Variants in GRIK2 observed in about 807,000 individuals in gnomAD.
The protein encoded by GRIK2 is glutamate receptor ionotropic, kainate 2.
In GRIK2, 32 loss-of-function variants were observed where a neutral mutation model predicts 100.3. The observed-to-expected ratio is 0.32, with a 90% CI of 0.24 to 0.43. The LOEUF is 0.43. Among genes scored for constraint, GRIK2 ranks in the 20% least tolerant of loss-of-function variants. The probability of loss-of-function intolerance (pLI) is 1.00; values close to 1 mark genes in which losing one functional copy is unlikely to be tolerated. For synonymous variants in GRIK2, 417 were observed against 389.4 expected (o/e 1.07, Z -0.83); for missense variants, 843 against 1,114.9 (o/e 0.76, Z 3.47).
chr6:101,799,758 C>T lies in GRIK2; in HGVS notation c.1062C>T (p.Arg354=), dbSNP rs777354506. 6 of 1,613,466 alleles carry T rather than the reference C, an allele frequency of 3.7e-6. No homozygotes were observed. In the East Asian group the frequency reaches 6.7e-5, roughly 18 times the overall value. ...SLQCNRHKPW[R]FGTRFMSLIK... The stretch of plus-strand genomic sequence containing the variant: ...AGTGTAATCGACATAAACCCTGGCG[C>T]TTCGGGACCCGCTTTATGAGTCTAA... The change falls in exon 8 of 17, where the codon CGC becomes CGT. Residue 354 remains arginine (R), a synonymous_variant. Coordinates refer to ENST00000369134, the MANE Select transcript of GRIK2 (RefSeq NM_021956.5).
At chr6:101,879,729 CTGTATTAG>C (rs1786115921) in intron 11 of GRIK2, among the ~76,000 whole-genome samples, 1 of 151,178 alleles carries the variant, frequency 6.6e-6, no homozygotes, top group East Asian at 2.0e-4. Context: ...CTGGAAGAAG[CTGTATTAG>C]CATGAAAATA....
intron 2 of GRIK2, among the ~76,000 whole-genome samples, chr6:101,547,870 T>C (rs926044846): frequency 6.6e-6 from 1 of 152,114 alleles, no homozygotes; most frequent in African/African-American, 2.4e-5. Flanking sequence ...GTATTTCCAG[T>C]TCTAGATCCC....
At position 101,399,123 on chromosome 6, in the gene GRIK2, A is replaced by C. The variant is rs949334204; in HGVS notation, c.-155A>C. Reference sequence around the variant, plus strand: ...AGTGAAGAACATGCAGCGATTGCTAATGGGTTTGGGAAGCGGAGACTCCTT... The same window carrying C: ...AGTGAAGAACATGCAGCGATTGCTACTGGGTTTGGGAAGCGGAGACTCCTT... On this transcript the variant is annotated 5_prime_UTR_variant, in exon 2 of 17. An upstream start codon of the reference 5' UTR is lost. Coordinates refer to ENST00000369134, the MANE Select transcript of GRIK2 (RefSeq NM_021956.5). 4 of 576,208 alleles carry C rather than the reference A, an allele frequency of 6.9e-6. No homozygotes were observed. Among genetic ancestry groups the C allele is most frequent in the Admixed American group, 3.0e-5 (1 of 32,920 alleles). 35.7% of individuals were successfully genotyped at this position (576,208 alleles called of 1,614,324 possible).
At chr6:101,719,392 G>A (rs2128364143) in intron 7 of GRIK2, among the ~76,000 whole-genome samples, 2 of 151,844 alleles carry the variant, frequency 1.3e-5, no homozygotes, top group Admixed American at 1.3e-4. Context: ...CTATATACAT[G>A]ACTTAGTGGT....
intron 7 of GRIK2, among the ~76,000 whole-genome samples, chr6:101,778,720 A>G (rs1778897716): frequency 6.6e-6 from 1 of 152,134 alleles, no homozygotes. Flanking sequence ...TCTGTTCTGT[A>G]TTTGTACATA....
At chr6:101,903,058 A>G (rs1286803838) in intron 12 of GRIK2, among the ~76,000 whole-genome samples, 3 of 151,882 alleles carry the variant, frequency 2.0e-5, no homozygotes, top group African/African-American at 7.2e-5. Context: ...TTGAAAGGCC[A>G]GGCATTTTAT....
At chr6:101,554,207 G>C (rs1776635780) in intron 2 of GRIK2, among the ~76,000 whole-genome samples, 1 of 152,142 alleles carries the variant, frequency 6.6e-6, no homozygotes, top group African/African-American at 2.4e-5. Flanking sequence ...AGGAAGAATA[G>C]AGACCCAATG....
chr6:101,928,585 A>G lies in GRIK2; in HGVS notation c.2038A>G (p.Ile680Val). 6.2e-7 allele frequency: 1 copy of G among 1,606,930 alleles called. No homozygotes were observed. Among genetic ancestry groups the G allele is most frequent in the Non-Finnish European group, 8.5e-7 (1 of 1,173,484 alleles). Reference sequence around the variant, plus strand: ...TGATGATTTAGCTAAACAAACCAAGATAGAATATGGAGCAGTAGAGGATGG... The same window carrying G: ...TGATGATTTAGCTAAACAAACCAAGGTAGAATATGGAGCAGTAGAGGATGG... ...SADDLAKQTK[I>V]EYGAVEDGAT... The change falls in exon 14 of 17, where the codon ATA becomes GTA. Residue 680 changes from isoleucine to valine, a missense_variant. By Grantham distance (29) the Ile-to-Val change is conservative. Around this residue, in one of 3 missense-constraint regions of GRIK2, gnomAD observed 237 missense variants for 388.0 expected, o/e 0.61. Coordinates refer to ENST00000369134, the MANE Select transcript of GRIK2 (RefSeq NM_021956.5).
At chr6:102,008,675 C>A (rs918412043) in intron 14 of GRIK2, among the ~76,000 whole-genome samples, 1 of 151,988 alleles carries the variant, frequency 6.6e-6, no homozygotes, top group African/African-American at 2.4e-5. Context: ...AAAATATTTT[C>A]TAACAGTATT....
At chr6:101,654,512 C>A (rs1463719617) in intron 4 of GRIK2, among the ~76,000 whole-genome samples, 1 of 152,168 alleles carries the variant, frequency 6.6e-6, no homozygotes, top group Non-Finnish European at 1.5e-5. Context: ...TGCACAGCAT[C>A]TGCTGCTATT....
intron 7 of GRIK2, among the ~76,000 whole-genome samples, chr6:101,766,922 C>T (rs1251329408): frequency 2.0e-5 from 3 of 152,174 alleles, no homozygotes; most frequent in Admixed American, 6.5e-5. Context: ...AGATGGCATG[C>T]ATGGCTGGTG....
At chr6:101,625,072 T>C (rs1312082448) in intron 3 of GRIK2, among the ~76,000 whole-genome samples, 1 of 63,676 alleles carries the variant, frequency 1.6e-5, no homozygotes, top group African/African-American at 1.2e-4. Flanking sequence ...ATGAGGCCAT[T>C]ATTTAGAATT....
intron 14 of GRIK2, among the ~76,000 whole-genome samples, chr6:102,015,418 G>C (rs1308374264): frequency 6.6e-5 from 10 of 152,220 alleles, no homozygotes; most frequent in Non-Finnish European, 1.5e-4. Flanking sequence ...TTTAACTAAA[G>C]GCATTTAGCC....
intron 14 of GRIK2, among the ~76,000 whole-genome samples, chr6:101,941,941 T>G: frequency 6.6e-6 from 1 of 152,102 alleles, no homozygotes; most frequent in Non-Finnish European, 1.5e-5. Flanking sequence ...CTCCCAGATT[T>G]AGGAGAAAAA....
intron 14 of GRIK2, among the ~76,000 whole-genome samples, chr6:101,955,598 C>G (rs1034106296): frequency 6.7e-6 from 1 of 150,022 alleles, no homozygotes; most frequent in Non-Finnish European, 1.5e-5. Context: ...CTCTCTCTCT[C>G]TCTCTCTCTC....
intron 7 of GRIK2, among the ~76,000 whole-genome samples, chr6:101,778,570 T>C (rs1778888291): frequency 6.6e-6 from 1 of 152,086 alleles, no homozygotes; most frequent in Non-Finnish European, 1.5e-5. Context: ...TTCTAAGTTC[T>C]CCCAGTCAAA....
chr6:101,720,900 A>AT (rs1201857853), intron 7 of GRIK2, among the ~76,000 whole-genome samples: 1 of 151,972 alleles, frequency 6.6e-6, no homozygotes. Context: ...TAGCATTTGC[A>AT]TTTTTTATGC....
intron 2 of GRIK2, among the ~76,000 whole-genome samples, chr6:101,565,921 A>ATATATATATG (rs1562230240): frequency 9.2e-6 from 1 of 108,128 alleles, no homozygotes; most frequent in African/African-American, 3.7e-5. Flanking sequence ...TATTTTATAT[A>ATATATATATG]TATATATATA....
chr6:101,438,974 T>C (rs756540007), intron 2 of GRIK2, among the ~76,000 whole-genome samples: 1 of 152,188 alleles, frequency 6.6e-6, no homozygotes, highest in Non-Finnish European at 1.5e-5. Flanking sequence ...AGGTTTGTTA[T>C]ATTTTAGGTC....
Sources: gnomAD v4.1 joint callset for allele counts (sites outside exome capture counted in the v4.1 genomes callset) on GRCh38, gnomAD v4.1.1 for gene constraint, gnomAD v4.1.1 regional missense constraint, MANE v1.5 for transcripts, NCBI Gene and HGNC (gene_info 2026-07-23, HGNC 2026-07-21) for gene names.